The following GRIN3A variants were observed in gnomAD, a reference collection of about 807,000 sequenced individuals.
GRIN3A encodes the protein glutamate receptor ionotropic, NMDA 3A.
In GRIN3A, 47 loss-of-function variants were observed where a neutral mutation model predicts 92.4. That is an observed-to-expected ratio of 0.51 (90% CI 0.40 to 0.65). The LOEUF (loss-of-function observed/expected upper bound fraction) is 0.65, where lower values mean the gene tolerates loss of function less well. GRIN3A is among the 30% of genes least tolerant of loss of function. The pLI is 0.00. For missense variants in GRIN3A, 1,324 were observed against 1,393.1 expected, an observed-to-expected ratio of 0.95 and a Z score of 0.79; for synonymous variants, 527 against 540.6, an observed-to-expected ratio of 0.97 and a Z score of 0.35.
At chr9:101,650,114 C>T (rs1828995308) in intron 3 of GRIN3A, among the ~76,000 whole-genome samples, 1 of 152,066 alleles carries the variant, frequency 6.6e-6, no homozygotes, top group Admixed American at 6.6e-5. Flanking sequence ...TAAAATACTT[C>T]TAAAACACCT....
intron 5 of GRIN3A, among the ~76,000 whole-genome samples, chr9:101,622,943 G>A (rs567797956): frequency 6.6e-6 from 1 of 151,318 alleles, no homozygotes; most frequent in South Asian, 2.1e-4. Context: ...CTTGAGGCCA[G>A]GAGTTGGAGA....
chr9:101,685,611 T>A (rs1829524049), intron 2 of GRIN3A, among the ~76,000 whole-genome samples: 10 of 152,020 alleles, frequency 6.6e-5, no homozygotes. Context: ...CATTTCCATA[T>A]GATGTGTTGT....
intron 6 of GRIN3A, chr9:101,594,505 G>A (rs267602057): frequency 1.9e-6 from 3 of 1,614,176 alleles, no homozygotes. Flanking sequence ...CCTTGTCCAG[G>A]ATGATGATGG....
rs762678837 is a variant in GRIN3A, at chr9:101,573,220, G to A, written c.3302C>T (p.Thr1101Met). The A allele has an allele frequency of 4.9e-5, 79 of 1,613,956 alleles. No individual in the cohort carries two copies. Among genetic ancestry groups the A allele is most frequent in the Non-Finnish European group, 6.4e-5 (76 of 1,179,988 alleles). ...TGTCCTTTGATACTCCTCCAGCTCCGTTTTCCTGCTCACAGCCAGCTGCAG... is the reference window on the plus strand; with the variant it reads ...TGTCCTTTGATACTCCTCCAGCTCCATTTTCCTGCTCACAGCCAGCTGCAG... ...QELQLAVSRK[T>M]ELEEYQRTSR... Residue 1101 changes from threonine to methionine, a missense_variant, in exon 9 of 9, where the codon ACG (threonine) becomes ATG (methionine). Transcript: ENST00000361820.
intron 6 of GRIN3A, among the ~76,000 whole-genome samples, chr9:101,590,070 C>A (rs1173661795): frequency 2.0e-5 from 3 of 152,090 alleles, no homozygotes; most frequent in African/African-American, 7.2e-5. Flanking sequence ...TGAGAACAAA[C>A]ACCATGTAAA....
At chr9:101,590,603 A>T (rs1451402378) in intron 6 of GRIN3A, among the ~76,000 whole-genome samples, 1 of 151,932 alleles carries the variant, frequency 6.6e-6, no homozygotes, top group African/African-American at 2.4e-5. Context: ...GATGGTCTCG[A>T]TCTCCTGACC....
chr9:101,623,559 G>T (rs771697546), intron 4 of GRIN3A, 126 bp from the exon 5 acceptor site: 2 of 714,368 alleles, frequency 2.8e-6, no homozygotes, highest in Non-Finnish European at 5.0e-6. Flanking sequence ...AGCTACCTAG[G>T]TGCTGACTTA....
chr9:101,682,943 C>T (rs1829479237), intron 2 of GRIN3A, among the ~76,000 whole-genome samples: 1 of 152,238 alleles, frequency 6.6e-6, no homozygotes, highest in Admixed American at 6.5e-5. Flanking sequence ...GATTGCGCCA[C>T]CGCACTCCAG....
At chr9:101,581,501 A>T (rs1034571035) in intron 6 of GRIN3A, among the ~76,000 whole-genome samples, 1 of 152,062 alleles carries the variant, frequency 6.6e-6, no homozygotes, top group Non-Finnish European at 1.5e-5. Context: ...GAAGCTAGCT[A>T]GTCCCTTTTG....
Position 101,650,823 on chromosome 9 carries a change from A to C in GRIN3A, c.2352+19237T>G, listed in dbSNP as rs77593221. Among the ~76,000 whole-genome samples the C allele has an allele frequency of 1.6e-3, 242 of 151,772 alleles. 6 individuals carry two copies. In the East Asian group the frequency reaches 0.036, roughly 23 times the overall value. On this transcript the variant is annotated intron_variant, in intron 3 of 8. Coordinates refer to ENST00000361820, the MANE Select transcript of GRIN3A (RefSeq NM_133445.3). ...CCTCTGCCTGGAATTCCACCCCCCC[A>C]CACACATTTTGTTTTCTCAAAGGTT...
At chr9:101,576,578 T>A (rs1203606391) in intron 8 of GRIN3A, among the ~76,000 whole-genome samples, 1 of 152,216 alleles carries the variant, frequency 6.6e-6, no homozygotes, top group Non-Finnish European at 1.5e-5. Flanking sequence ...AACAAATATT[T>A]TTTCATTGTA....
chr9:101,712,779 A>T (rs1234418039), intron 1 of GRIN3A, among the ~76,000 whole-genome samples: 44 of 152,360 alleles, frequency 2.9e-4, no homozygotes, highest in Non-Finnish European at 5.9e-5. Context: ...TCGTTATTCC[A>T]TGTAACAATG....
chr9:101,603,773 C>T (rs10115762), intron 6 of GRIN3A, among the ~76,000 whole-genome samples: 1 of 152,150 alleles, frequency 6.6e-6, no homozygotes, highest in Non-Finnish European at 1.5e-5. Flanking sequence ...TCTGTCAATC[C>T]AGTATGATTG....
rs564847213 is a variant in GRIN3A, at chr9:101,695,557, A to G, written c.700-8357T>C. Among the ~76,000 whole-genome samples the G allele has an allele frequency of 6.6e-5, 10 of 152,282 alleles. No homozygotes were observed. In the South Asian group the frequency reaches 1.9e-3, roughly 28 times the overall value. On this transcript the variant is annotated intron_variant, in intron 1 of 8. Transcript: ENST00000361820. ...AGAGCAAGACCAAGTCCGCAGGTGG[A>G]GGTCAAAGGACCATAGATGAGTGGA...
chr9:101,662,281 A>G (rs549586245), intron 3 of GRIN3A, among the ~76,000 whole-genome samples: 25 of 151,942 alleles, frequency 1.6e-4, no homozygotes, highest in Non-Finnish European at 2.8e-4. Context: ...CACCTTGACA[A>G]TGGGTGGGGG....
chr9:101,708,241 A>G (rs1229916443), intron 1 of GRIN3A, among the ~76,000 whole-genome samples: 3 of 152,186 alleles, frequency 2.0e-5, no homozygotes, highest in African/African-American at 7.2e-5. Context: ...TCTTGATTTT[A>G]AGACTTGAAT....
At chr9:101,604,572 T>A (rs954395779) in intron 6 of GRIN3A, among the ~76,000 whole-genome samples, 3 of 152,136 alleles carry the variant, frequency 2.0e-5, no homozygotes, top group African/African-American at 7.2e-5. Context: ...CAATCTACAG[T>A]CATTAACTCT....
intron 4 of GRIN3A, 62 bp from the exon 5 acceptor site, chr9:101,623,495 G>A: frequency 8.5e-7 from 1 of 1,179,830 alleles, no homozygotes; most frequent in Non-Finnish European, 1.3e-6. Flanking sequence ...AAGCATGAAG[G>A]CTGACAGCCG....
intron 6 of GRIN3A, among the ~76,000 whole-genome samples, chr9:101,586,824 CAG>C (rs1390600439): frequency 6.6e-6 from 1 of 152,186 alleles, no homozygotes; most frequent in East Asian, 1.9e-4. Flanking sequence ...GAATCTGAAA[CAG>C]AAACACTGGA....
Sources: allele counts gnomAD v4.1 joint callset (sites outside exome capture counted in the v4.1 genomes callset), GRCh38; gene constraint gnomAD v4.1.1; transcripts MANE v1.5; gene names NCBI Gene and HGNC (gene_info 2026-07-23, HGNC 2026-07-21).